NUP98: variants seen among roughly 807,000 people sequenced by gnomAD.
NUP98 encodes nucleoporin 98 and 96 precursor.
Under a neutral mutation model 191.9 loss-of-function variants are expected in NUP98, and 26 were observed. The observed-to-expected ratio is 0.14, with a 90% CI of 0.10 to 0.19. NUP98 has a LOEUF of 0.19. NUP98 is among the 10% of genes least tolerant of loss of function. The pLI is 1.00. For missense variants in NUP98, 1,941 were observed against 2,178.8 expected, an observed-to-expected ratio of 0.89 and a Z score of 2.17; for synonymous variants, 808 against 778.4, an observed-to-expected ratio of 1.04 and a Z score of -0.63.
intron 20 of NUP98, among the ~76,000 whole-genome samples, chr11:3,708,495 CACAA>C (rs1306561111): frequency 6.6e-6 from 1 of 152,128 alleles, no homozygotes; most frequent in East Asian, 1.9e-4. Context: ...ATTCTATTCA[CACAA>C]ACAGACTTCA....
At chr11:3,796,763 C>T (rs962257382) in intron 1 of NUP98, among the ~76,000 whole-genome samples, 3 of 152,230 alleles carry the variant, frequency 2.0e-5, no homozygotes, top group South Asian at 2.1e-4. Context: ...ATCTACAAAA[C>T]TGATGTAAGG....
rs779629926 is a variant in NUP98 at position 3,750,216 on chromosome 11, C to A, written c.1267+3100G>T. On this transcript the variant is annotated intron_variant, in intron 11 of 32. Transcript: ENST00000324932. ...CTCACTGCAGTCTCAACTTCCAAAG[C>A]TCAGGTGATTCTCCCACCTCAGCCT... Among the ~76,000 whole-genome samples, 98 of 152,132 alleles carry A rather than the reference C, an allele frequency of 6.4e-4. 1 individual carries two copies. The highest frequency in any genetic ancestry group is 1.3e-3 in the Non-Finnish European group (87 of 68,020).
At chr11:3,681,107 G>A (rs12276096) in intron 30 of NUP98, among the ~76,000 whole-genome samples, 2 of 151,988 alleles carry the variant, frequency 1.3e-5, no homozygotes, top group South Asian at 2.1e-4. Context: ...TGGCATGGTC[G>A]TGGCTCACTA....
intron 11 of NUP98, among the ~76,000 whole-genome samples, chr11:3,751,072 T>A (rs1201114438): frequency 6.6e-6 from 1 of 151,650 alleles, no homozygotes; most frequent in Non-Finnish European, 1.5e-5. Flanking sequence ...AAAAATATAA[T>A]CCCAGGCCGG....
intron 8 of NUP98, among the ~76,000 whole-genome samples, chr11:3,767,163 A>G (rs939828230): frequency 2.0e-5 from 3 of 151,932 alleles, no homozygotes; most frequent in Admixed American, 6.6e-5. Context: ...GGGTTTCACC[A>G]TGTTTGCCAG....
intron 8 of NUP98, among the ~76,000 whole-genome samples, chr11:3,763,909 A>G (rs1273170200): frequency 6.6e-6 from 1 of 152,224 alleles, no homozygotes; most frequent in East Asian, 1.9e-4. Context: ...TATGTTTAAC[A>G]ATGTATTTTA....
chr11:3,771,837 G>A lies in NUP98; in HGVS notation c.695C>T (p.Pro232Leu). 6.2e-7 allele frequency: 1 copy of A among 1,614,112 alleles called. No homozygotes were observed. Among genetic ancestry groups the A allele is most frequent in the East Asian group, 2.2e-5 (1 of 44,878 alleles). ...GTTTGLFGSSPATSSATGLFS... is the reference protein window; with the variant it reads ...GTTTGLFGSSLATSSATGLFS... ...GAGTCCTGTTGCGCTGGAAGTGGCTGGAGAAGACCCAAACAAGCCAGTTGT... is the reference window on the plus strand; with the variant it reads ...GAGTCCTGTTGCGCTGGAAGTGGCTAGAGAAGACCCAAACAAGCCAGTTGT... The change falls in exon 7 of 33, where the codon CCA becomes CTA. Residue 232 changes from proline to leucine, a missense_variant. Transcript: ENST00000324932.
chr11:3,792,115 C>T (rs1436238853), intron 1 of NUP98, among the ~76,000 whole-genome samples: 2 of 121,856 alleles, frequency 1.6e-5, no homozygotes, highest in African/African-American at 6.3e-5. Context: ...GGAAGTGGAG[C>T]TTGCAATAAG....
chr11:3,750,773 G>A (rs116321587), intron 11 of NUP98, among the ~76,000 whole-genome samples: 4 of 152,152 alleles, frequency 2.6e-5, no homozygotes, highest in African/African-American at 9.6e-5. Flanking sequence ...TGAGTAGCTA[G>A]GACTACAGGC....
At chr11:3,715,948 C>T (rs748932802) in intron 18 of NUP98, among the ~76,000 whole-genome samples, 2 of 152,132 alleles carry the variant, frequency 1.3e-5, no homozygotes, top group African/African-American at 2.4e-5. Flanking sequence ...TTTGTTGTTG[C>T]TGTTGAATTG....
chr11:3,714,980 G>C (rs2079134707), intron 18 of NUP98: 1 of 152,102 alleles, frequency 6.6e-6, no homozygotes. Context: ...TTGAGATCCT[G>C]CTTTCAATTT....
intron 1 of NUP98, among the ~76,000 whole-genome samples, chr11:3,786,671 G>C (rs900719880): frequency 6.6e-6 from 1 of 152,154 alleles, no homozygotes; most frequent in African/African-American, 2.4e-5. Flanking sequence ...TGTCCAAACT[G>C]AAGTTCTATA....
intron 1 of NUP98, 40 bp downstream of exon 1, chr11:3,797,360 C>T (rs565477537): frequency 5.0e-6 from 2 of 400,696 alleles, no homozygotes; most frequent in African/African-American, 4.1e-5. Context: ...GGGGAGAAAC[C>T]TGCCGGTCTC....
intron 20 of NUP98, 55 bp from the exon 21 acceptor site, chr11:3,706,682 A>C: frequency 6.8e-7 from 1 of 1,466,808 alleles, no homozygotes; most frequent in Non-Finnish European, 9.4e-7. Flanking sequence ...AAACAGAAAT[A>C]GATTCTAAAT....
intron 26 of NUP98, 118 bp downstream of exon 26, chr11:3,695,331 G>A (rs2078466249): frequency 4.4e-6 from 4 of 919,142 alleles, no homozygotes; most frequent in Non-Finnish European, 4.6e-6. Flanking sequence ...TGTCCAATGT[G>A]TAAAACATTT....
chr11:3,779,360 G>A (rs2081869684), intron 2 of NUP98, 103 bp from the exon 3 acceptor site: 1 of 1,003,140 alleles, frequency 1.0e-6, no homozygotes, highest in East Asian at 2.4e-5. Context: ...CTGCATTTGA[G>A]GCTGTGCATG....
intron 15 of NUP98, among the ~76,000 whole-genome samples, chr11:3,723,686 T>C (rs1174196411): frequency 2.0e-5 from 3 of 151,010 alleles, no homozygotes; most frequent in Non-Finnish European, 4.4e-5. Context: ...GATTAAAAAC[T>C]GAAAAAAATG....
chr11:3,719,828 T>A (rs1384867537), intron 17 of NUP98, among the ~76,000 whole-genome samples: 1 of 151,278 alleles, frequency 6.6e-6, no homozygotes, highest in Non-Finnish European at 1.5e-5. Context: ...GCAGTGGTCC[T>A]GTCTCACTGC....
chr11:3,695,320 T>C (rs72847105), intron 26 of NUP98, 129 bp downstream of exon 26: 81,853 of 781,290 alleles, frequency 0.1, 4,691 homozygotes, highest in Middle Eastern at 0.17. Flanking sequence ...AATTTGAAAA[T>C]TGTCCAATGT....
Sources: allele counts gnomAD v4.1 joint callset (sites outside exome capture counted in the v4.1 genomes callset), GRCh38; gene constraint gnomAD v4.1.1; transcripts MANE v1.5; gene names NCBI Gene and HGNC (gene_info 2026-07-23, HGNC 2026-07-21).